Variants in PCSK6 observed in about 807,000 individuals in gnomAD.
PCSK6 encodes proprotein convertase subtilisin/kexin type 6, also known as paired basic amino acid cleaving enzyme 4.
PCSK6 carries 85 observed loss-of-function variants against 123.3 expected under a neutral mutation model. The ratio of observed to expected loss-of-function variants is 0.69; its 90% CI spans 0.58 to 0.83. The LOEUF is 0.83. PCSK6 is among the 40% of genes least tolerant of loss of function. The pLI is 0.00. For missense variants in PCSK6, 1,191 were observed against 1,282.3 expected, an observed-to-expected ratio of 0.93 and a Z score of 1.09; for synonymous variants, 508 against 516.0, an observed-to-expected ratio of 0.98 and a Z score of 0.21.
At chr15:101,453,606 A>G (rs1311523045) in intron 1 of PCSK6, among the ~76,000 whole-genome samples, 1 of 152,160 alleles carries the variant, frequency 6.6e-6, no homozygotes, top group Admixed American at 6.5e-5. Context: ...AGTTTTTAAT[A>G]ATGGCAACTC....
intron 13 of PCSK6, chr15:101,347,896 G>T: frequency 1.3e-6 from 1 of 749,378 alleles, no homozygotes. Flanking sequence ...CAAATGGAAG[G>T]AGCTGTGTTT....
At chr15:101,346,727 C>A in intron 13 of PCSK6, 2 of 1,220,684 alleles carry the variant, frequency 1.6e-6, no homozygotes, top group South Asian at 4.3e-5. Flanking sequence ...TCAGATCTGT[C>A]ATTTTCATTT....
At chr15:101,485,215 A>G (rs193216687) in intron 1 of PCSK6, among the ~76,000 whole-genome samples, 5 of 152,234 alleles carry the variant, frequency 3.3e-5, no homozygotes, top group Admixed American at 3.3e-4. Context: ...ATCATTTCTT[A>G]TGTTTACTGG....
chr15:101,356,976 C>T (rs1033466742), intron 13 of PCSK6, among the ~76,000 whole-genome samples: 2 of 152,202 alleles, frequency 1.3e-5, no homozygotes, highest in South Asian at 2.1e-4. Flanking sequence ...TTGGAGCTAG[C>T]GCATCAGTCA....
At chr15:101,410,591 G>A (rs2042917356) in intron 6 of PCSK6, among the ~76,000 whole-genome samples, 1 of 152,202 alleles carries the variant, frequency 6.6e-6, no homozygotes. Flanking sequence ...AATATGCTTG[G>A]AAGGAATCAG....
chr15:101,396,282 T>G (rs2042409981), intron 7 of PCSK6, among the ~76,000 whole-genome samples: 1 of 152,074 alleles, frequency 6.6e-6, no homozygotes. Flanking sequence ...GAATTCCGAA[T>G]GCAAAGATCC....
At chr15:101,314,577 G>A (rs560619922) in intron 19 of PCSK6, among the ~76,000 whole-genome samples, 147 of 152,310 alleles carry the variant, frequency 9.7e-4, no homozygotes, top group African/African-American at 3.3e-3. Flanking sequence ...CAGAGGTTCC[G>A]GAGCCTGGAG....
Position 101,398,398 on chromosome 15 carries a change from T to A in PCSK6, c.996+6A>T. On this transcript the variant is annotated splice_donor_region_variant and intron_variant, in intron 7 of 21. Coordinates refer to ENST00000611716, the MANE Select transcript of PCSK6 (RefSeq NM_002570.5). The surrounding 1 kb of genome is among the most constrained non-coding windows in gnomAD (Gnocchi z 4.6). Reference sequence around the variant, plus strand: ...AGCGCTCCCCTGTAGCCCTGGTTACTCACACCTTTTTAATGCCATACTCGA... The same window carrying A: ...AGCGCTCCCCTGTAGCCCTGGTTACACACACCTTTTTAATGCCATACTCGA... 1 of 1,604,886 alleles carries A rather than the reference T, an allele frequency of 6.2e-7. No homozygotes were observed.
chr15:101,479,117 G>C (rs895177022), intron 1 of PCSK6, among the ~76,000 whole-genome samples: 1 of 152,218 alleles, frequency 6.6e-6, no homozygotes, highest in Non-Finnish European at 1.5e-5. Context: ...AGCGGGGAGA[G>C]AGACACCCCG....
At chr15:101,307,358 G>A in intron 20 of PCSK6, 33 bp from the exon 21 acceptor site, 1 of 1,526,082 alleles carries the variant, frequency 6.6e-7, no homozygotes, top group Non-Finnish European at 9.0e-7. Context: ...CTGAAGTCTG[G>A]GGAAGAGGCT....
chr15:101,373,228 G>A, intron 11 of PCSK6, among the ~76,000 whole-genome samples: 1 of 152,324 alleles, frequency 6.6e-6, no homozygotes, highest in South Asian at 2.1e-4. Context: ...GAGGCTGGCT[G>A]GGGGCGGGAG....
intron 11 of PCSK6, among the ~76,000 whole-genome samples, chr15:101,372,004 C>A (rs1394846083): frequency 6.6e-6 from 1 of 152,136 alleles, no homozygotes. Context: ...CTAGAATTTT[C>A]TGACACACTC....
At chr15:101,338,890 T>C (rs1164411378) in intron 13 of PCSK6, among the ~76,000 whole-genome samples, 1 of 152,196 alleles carries the variant, frequency 6.6e-6, no homozygotes, top group African/African-American at 2.4e-5. Context: ...AATCCACAGC[T>C]AGTGCCAACT....
At chr15:101,456,779 G>A (rs2057195044) in intron 1 of PCSK6, among the ~76,000 whole-genome samples, 1 of 152,186 alleles carries the variant, frequency 6.6e-6, no homozygotes, top group African/African-American at 2.4e-5. Context: ...GGGAGAGAAA[G>A]GGGGAATACA....
intron 1 of PCSK6, 54 bp downstream of exon 1, chr15:101,489,320 G>T: frequency 9.3e-7 from 1 of 1,076,984 alleles, no homozygotes; most frequent in Admixed American, 5.6e-5. Flanking sequence ...CCCCCCTCGC[G>T]CGCGCCGGAG....
Position 101,377,641 on chromosome 15 carries a change from A to G in PCSK6, c.1532+4451T>C, listed in dbSNP as rs892227131. Among the ~76,000 whole-genome samples, 4 of 152,250 alleles carry G rather than the reference A, an allele frequency of 2.6e-5. No individual in the cohort carries two copies. In the East Asian group the frequency reaches 7.7e-4, roughly 29 times the overall value. The stretch of plus-strand genomic sequence containing the variant: ...TCCACAGCCATATGTCTTCATAAAT[A>G]GAGTTGTTTTAAAATGACCGCCATA... On this transcript the variant is annotated intron_variant, in intron 11 of 21. Coordinates refer to ENST00000611716, the MANE Select transcript of PCSK6 (RefSeq NM_002570.5).
intron 6 of PCSK6, among the ~76,000 whole-genome samples, chr15:101,415,002 G>T (rs1037530052): frequency 7.2e-5 from 11 of 152,170 alleles, no homozygotes; most frequent in Non-Finnish European, 1.5e-4. Flanking sequence ...CAAAGTACAG[G>T]TGTTATATCA....
At chr15:101,484,721 A>AT (rs150065370) in intron 1 of PCSK6, among the ~76,000 whole-genome samples, 37 of 152,204 alleles carry the variant, frequency 2.4e-4, no homozygotes, top group Non-Finnish European at 4.9e-4. Flanking sequence ...GTTTACATGA[A>AT]TATGATCACA....
chr15:101,368,993 C>G (rs2041490828), intron 12 of PCSK6, among the ~76,000 whole-genome samples: 1 of 152,226 alleles, frequency 6.6e-6, no homozygotes, highest in South Asian at 2.1e-4. Flanking sequence ...ACAGCACGGC[C>G]GGGCCTCCCG....
Sources: allele counts gnomAD v4.1 joint callset (sites outside exome capture counted in the v4.1 genomes callset), GRCh38; gene constraint gnomAD v4.1.1; non-coding constraint Gnocchi (gnomAD v3.1); transcripts MANE v1.5; gene names NCBI Gene and HGNC (gene_info 2026-07-23, HGNC 2026-07-21).